Variants in RBFOX1 observed in about 807,000 individuals in gnomAD.
RBFOX1 encodes RNA binding fox-1 homolog 1, also known as RNA binding protein fox-1 homolog 1.
In RBFOX1, 8 loss-of-function variants were observed where a neutral mutation model predicts 57.7. The observed-to-expected ratio is 0.14, with a 90% CI of 0.08 to 0.25. The LOEUF is 0.25. Among genes scored for constraint, RBFOX1 ranks in the 10% least tolerant of loss-of-function variants. The pLI, the probability that RBFOX1 is intolerant of heterozygous loss-of-function variation, is 1.00. For missense variants in RBFOX1, 611 were observed against 548.5 expected, an observed-to-expected ratio of 1.11 and a Z score of -1.14; for synonymous variants, 326 against 222.4, an observed-to-expected ratio of 1.47 and a Z score of -4.15.
At chr16:6,664,861 C>T (rs191205413) in intron 3 of RBFOX1, among the ~76,000 whole-genome samples, 13 of 152,294 alleles carry the variant, frequency 8.5e-5, no homozygotes, top group African/African-American at 3.1e-4. Flanking sequence ...CCCGGTTCTG[C>T]CCCTTCACCA....
At chr16:6,348,078 G>A (rs1270411676) in intron 2 of RBFOX1, among the ~76,000 whole-genome samples, 2 of 152,184 alleles carry the variant, frequency 1.3e-5, no homozygotes, top group Non-Finnish European at 2.9e-5. Flanking sequence ...CAGAGAAGGG[G>A]AAAGAGGCAG....
intron 4 of RBFOX1, among the ~76,000 whole-genome samples, chr16:7,276,531 T>G (rs183247836): frequency 6.6e-6 from 1 of 152,136 alleles, no homozygotes; most frequent in Non-Finnish European, 1.5e-5. Context: ...GAAATCTAAG[T>G]AGGAGGCTTC....
chr16:6,479,999 G>A (rs2095346926), intron 2 of RBFOX1, among the ~76,000 whole-genome samples: 1 of 148,748 alleles, frequency 6.7e-6, no homozygotes, highest in South Asian at 2.1e-4. Flanking sequence ...GCAGTGAGCT[G>A]AGATCGTGCC....
At chr16:7,099,610 C>T (rs1005337971) in intron 4 of RBFOX1, among the ~76,000 whole-genome samples, 1 of 152,092 alleles carries the variant, frequency 6.6e-6, no homozygotes, top group African/African-American at 2.4e-5. Flanking sequence ...GTCCTGAGGA[C>T]ACGTGCCCAA....
At chr16:6,490,949 C>T (rs1446063794) in intron 2 of RBFOX1, among the ~76,000 whole-genome samples, 1 of 152,072 alleles carries the variant, frequency 6.6e-6, no homozygotes, top group Admixed American at 6.6e-5. Flanking sequence ...CCTATTTCAT[C>T]TAAGTGTTGG....
chr16:7,566,225 T>C (rs1413289015), intron 5 of RBFOX1, among the ~76,000 whole-genome samples: 2 of 152,164 alleles, frequency 1.3e-5, no homozygotes, highest in Non-Finnish European at 2.9e-5. Flanking sequence ...CCCAGGACTC[T>C]AGTAGTTCAA....
chr16:5,618,093 A>G (rs1053181065), intron 3 of RBFOX1, among the ~76,000 whole-genome samples: 7 of 152,132 alleles, frequency 4.6e-5, no homozygotes, highest in African/African-American at 1.4e-4. Flanking sequence ...GATTACTACC[A>G]CTCAGATCAT....
intron 3 of RBFOX1, among the ~76,000 whole-genome samples, chr16:6,767,108 T>G (rs8053645): frequency 0.016 from 2,469 of 152,222 alleles, 74 homozygotes; most frequent in African/African-American, 0.056. Flanking sequence ...GCATTTTTCT[T>G]AGGGGACCAC....
intron 2 of RBFOX1, among the ~76,000 whole-genome samples, chr16:6,338,984 G>T (rs1464926291): frequency 2.6e-5 from 4 of 152,120 alleles, no homozygotes; most frequent in Non-Finnish European, 2.9e-5. Context: ...TTACAGATTT[G>T]GGTAATTCCC....
At chr16:6,009,614 C>T (rs1459650930) in intron 4 of RBFOX1, among the ~76,000 whole-genome samples, 3 of 152,162 alleles carry the variant, frequency 2.0e-5, no homozygotes, top group South Asian at 4.1e-4. Flanking sequence ...AGCTTGAGAG[C>T]ACAGCAAGCA....
chr16:6,827,006 T>G (rs2092235178), intron 3 of RBFOX1, among the ~76,000 whole-genome samples: 1 of 152,180 alleles, frequency 6.6e-6, no homozygotes, highest in African/African-American at 2.4e-5. Flanking sequence ...GGCCATGCTG[T>G]AAACTAACTT....
chr16:6,717,906 C>T (rs1471151979), intron 3 of RBFOX1, among the ~76,000 whole-genome samples: 1 of 152,102 alleles, frequency 6.6e-6, no homozygotes, highest in Non-Finnish European at 1.5e-5. Context: ...TCCAAGGATC[C>T]TATACTGGGA....
intron 2 of RBFOX1, among the ~76,000 whole-genome samples, chr16:6,584,011 AAAG>A (rs992077572): frequency 4.0e-5 from 6 of 150,772 alleles, no homozygotes; most frequent in South Asian, 2.1e-4. Context: ...TAAAAAAAAA[AAAG>A]AAACTCAAAA....
At chr16:5,299,893 T>C (rs1163080726) in intron 1 of RBFOX1, among the ~76,000 whole-genome samples, 1 of 152,202 alleles carries the variant, frequency 6.6e-6, no homozygotes, top group Non-Finnish European at 1.5e-5. Context: ...AACATTGTTT[T>C]ACTGCTAAAT....
intron 3 of RBFOX1, among the ~76,000 whole-genome samples, chr16:6,901,688 C>T (rs1427668610): frequency 2.0e-5 from 3 of 152,160 alleles, no homozygotes; most frequent in African/African-American, 2.4e-5. Flanking sequence ...TCTGTTGTTT[C>T]TGCAGAGATA....
intron 4 of RBFOX1, among the ~76,000 whole-genome samples, chr16:7,077,994 G>T (rs2058570054): frequency 6.6e-6 from 1 of 152,098 alleles, no homozygotes; most frequent in South Asian, 2.1e-4. Flanking sequence ...AGTTACTCTG[G>T]GGCCCGGTGA....
chr16:6,722,947 A>C (rs4786924), intron 3 of RBFOX1, among the ~76,000 whole-genome samples: 103,066 of 151,988 alleles, frequency 0.68, 37,931 homozygotes, highest in South Asian at 0.92. Context: ...CTCTGCTTCT[A>C]GGCAAGTCAG....
chr16:5,620,303 C>G (rs1454724249), intron 3 of RBFOX1, among the ~76,000 whole-genome samples: 2 of 152,138 alleles, frequency 1.3e-5, no homozygotes, highest in Non-Finnish European at 2.9e-5. Flanking sequence ...ACTCTCTTCC[C>G]CACATTGCCG....
At chr16:5,688,589 A>G (rs1294742049) in intron 3 of RBFOX1, among the ~76,000 whole-genome samples, 2 of 151,942 alleles carry the variant, frequency 1.3e-5, no homozygotes, top group Non-Finnish European at 2.9e-5. Flanking sequence ...TGGTCCCAAC[A>G]TGAACTGGAT....
Sources: gnomAD v4.1 joint callset for allele counts (sites outside exome capture counted in the v4.1 genomes callset) on GRCh38, gnomAD v4.1.1 for gene constraint, MANE v1.5 for transcripts, NCBI Gene and HGNC (gene_info 2026-07-23, HGNC 2026-07-21) for gene names.